HVCN1: variants seen among roughly 807,000 people sequenced by gnomAD.
HVCN1 encodes voltage-gated hydrogen channel 1.
A neutral mutation model predicts 29.2 loss-of-function variants in HVCN1; 14 were observed. That is an observed-to-expected ratio of 0.48 (90% CI 0.32 to 0.75). The LOEUF is 0.75. Ranked by LOEUF, HVCN1 falls within the 30% of genes least tolerant of loss-of-function variation. HVCN1 has a pLI of 0.04. For missense variants in HVCN1, 263 were observed against 341.8 expected (o/e 0.77, Z 1.82); for synonymous variants, 131 against 133.2 (o/e 0.98, Z 0.11).
intron 5 of HVCN1, among the ~76,000 whole-genome samples, chr12:110,653,781 G>A (rs1345981016): frequency 6.6e-6 from 1 of 151,628 alleles, no homozygotes; most frequent in Admixed American, 6.6e-5. Context: ...GGCGGACGTT[G>A]CAGTGAGATG....
chr12:110,655,283 A>C lies in HVCN1; in HGVS notation c.362T>G (p.Ile121Ser). The C allele has an allele frequency of 6.2e-7, 1 of 1,613,854 alleles. No homozygotes were observed. The highest frequency in any genetic ancestry group is 8.5e-7 in the Non-Finnish European group (1 of 1,179,966). Residue 121 changes from isoleucine to serine, a missense_variant, in exon 5 of 8, where the codon ATC (isoleucine) becomes AGC (serine). Transcript: ENST00000242607. ...LDALLVLAELILDLKIIQPDK... is the reference protein window; with the variant it reads ...LDALLVLAELSLDLKIIQPDK... ...GGGCTGGATGATCTTCAGGTCCAGGATGAGCTCAGCAAGCACCAGGAGGGC... is the reference window on the plus strand; with the variant it reads ...GGGCTGGATGATCTTCAGGTCCAGGCTGAGCTCAGCAAGCACCAGGAGGGC...
chr12:110,657,589 C>T (rs1303985084), intron 4 of HVCN1, among the ~76,000 whole-genome samples: 1 of 151,416 alleles, frequency 6.6e-6, no homozygotes, highest in Non-Finnish European at 1.5e-5. Context: ...ATAAATGCCA[C>T]AGAATCATTT....
chr12:110,672,459 G>A (rs923290828), intron 3 of HVCN1, among the ~76,000 whole-genome samples: 4 of 152,192 alleles, frequency 2.6e-5, no homozygotes, highest in South Asian at 2.1e-4. Context: ...TGGCAGGCCT[G>A]TAGACCTCAC....
At chr12:110,699,493 C>T (rs1292978066) in intron 2 of HVCN1, among the ~76,000 whole-genome samples, 1 of 152,068 alleles carries the variant, frequency 6.6e-6, no homozygotes, top group Admixed American at 6.6e-5. Context: ...CCTGTTTGCT[C>T]CAGTCAGCCT....
chr12:110,657,410 G>A (rs868090840), intron 4 of HVCN1, among the ~76,000 whole-genome samples: 29 of 151,564 alleles, frequency 1.9e-4, no homozygotes, highest in African/African-American at 6.1e-4. Flanking sequence ...TAGGAGAATC[G>A]CTTCAACCTG....
intron 3 of HVCN1, among the ~76,000 whole-genome samples, chr12:110,662,629 T>C (rs1158888628): frequency 6.6e-6 from 1 of 152,168 alleles, no homozygotes; most frequent in Non-Finnish European, 1.5e-5. Flanking sequence ...CGCTTGAAGC[T>C]GGGAGGCGTG....
intron 3 of HVCN1, among the ~76,000 whole-genome samples, chr12:110,672,337 C>G (rs1469560296): frequency 1.3e-5 from 2 of 152,172 alleles, no homozygotes; most frequent in Non-Finnish European, 2.9e-5. Flanking sequence ...CCCACGTGCA[C>G]ACAGGTGCTT....
upstream of HVCN1, among the ~76,000 whole-genome samples, chr12:110,694,418 G>A (rs1424889172): frequency 6.6e-6 from 1 of 152,190 alleles, no homozygotes; most frequent in Non-Finnish European, 1.5e-5. This position sits in a 1 kb window ranked among gnomAD's most constrained non-coding sequence, Gnocchi z 4.6. Flanking sequence ...GGCCATCCCT[G>A]GGCTCCAGGA....
rs141697525 is a variant in HVCN1 at position 110,660,576 on chromosome 12, T to C, written c.306+588A>G. Among the ~76,000 whole-genome samples, 252 of 152,338 alleles carry C rather than the reference T, an allele frequency of 1.7e-3. 2 individuals carry two copies. The highest frequency in any genetic ancestry group is 5.8e-3 in the African/African-American group (242 of 41,590). Reference sequence around the variant, plus strand: ...TTATTTTTTTTGTGTGTGGTAAAATTTGCATAACGTAAAATTTACCATTTT... The same window carrying C: ...TTATTTTTTTTGTGTGTGGTAAAATCTGCATAACGTAAAATTTACCATTTT... On this transcript the variant is annotated intron_variant, in intron 4 of 7. Coordinates refer to ENST00000242607, the MANE Select transcript of HVCN1 (RefSeq NM_032369.4).
chr12:110,677,832 C>A (rs1390404952), intron 3 of HVCN1, among the ~76,000 whole-genome samples: 4 of 152,046 alleles, frequency 2.6e-5, no homozygotes, highest in Non-Finnish European at 5.9e-5. Flanking sequence ...GGCTGAGGGG[C>A]TTAACTGGCA....
upstream of HVCN1, among the ~76,000 whole-genome samples, chr12:110,694,439 C>T (rs781131609): frequency 4.6e-5 from 7 of 152,166 alleles, no homozygotes; most frequent in African/African-American, 7.2e-5. This position sits in a 1 kb window ranked among gnomAD's most constrained non-coding sequence, Gnocchi z 4.6. Context: ...CAGCTGGGGC[C>T]GGGCCAGGGC....
chr12:110,679,869 A>G (rs1426610948), intron 3 of HVCN1, among the ~76,000 whole-genome samples: 1 of 151,934 alleles, frequency 6.6e-6, no homozygotes, highest in Non-Finnish European at 1.5e-5. Context: ...CAAAAAAAAA[A>G]AAAAAAGAGG....
intron 3 of HVCN1, among the ~76,000 whole-genome samples, chr12:110,679,575 C>T (rs1364456881): frequency 6.6e-5 from 10 of 152,144 alleles, no homozygotes; most frequent in African/African-American, 1.9e-4. Flanking sequence ...AAAACTGGGC[C>T]GGGCGCGGTG....
At chr12:110,657,709 A>C (rs1008948218) in intron 4 of HVCN1, among the ~76,000 whole-genome samples, 3 of 152,212 alleles carry the variant, frequency 2.0e-5, no homozygotes, top group Non-Finnish European at 4.4e-5. Context: ...ATGCCAGGAT[A>C]ATAACCCCAG....
At chr12:110,670,205 T>C (rs2068526712) in intron 3 of HVCN1, among the ~76,000 whole-genome samples, 1 of 152,128 alleles carries the variant, frequency 6.6e-6, no homozygotes, top group African/African-American at 2.4e-5. Flanking sequence ...AAAAGCATTT[T>C]GTGGATGCCT....
Position 110,661,749 on chromosome 12 carries a change from G to A in HVCN1, c.22-301C>T, listed in dbSNP as rs975341879. ...CCCAAAACACCCGCCACGGGCCCAT[G>A]TGTGAATACCGGAAGGGCGGCCCCA... is the stretch of plus-strand genomic sequence containing the variant. On this transcript the variant is annotated intron_variant, in intron 3 of 7. Coordinates refer to ENST00000242607, the MANE Select transcript of HVCN1 (RefSeq NM_032369.4). The surrounding 1 kb of genome is among the most constrained non-coding windows in gnomAD (Gnocchi z 6.2). Among the ~76,000 whole-genome samples the A allele has an allele frequency of 3.3e-5, 5 of 152,226 alleles. No homozygotes were observed. The highest frequency in any genetic ancestry group is 9.7e-5 in the African/African-American group (4 of 41,442).
At chr12:110,703,510 G>A (rs948843333) in intron 1 of HVCN1, among the ~76,000 whole-genome samples, 4 of 152,110 alleles carry the variant, frequency 2.6e-5, no homozygotes, top group African/African-American at 9.7e-5. Context: ...CATATTGGGC[G>A]AGTGCCGTGG....
At chr12:110,653,721 A>G (rs1290016437) in intron 5 of HVCN1, among the ~76,000 whole-genome samples, 1 of 152,002 alleles carries the variant, frequency 6.6e-6, no homozygotes, top group East Asian at 1.9e-4. Context: ...GGGCACCTGT[A>G]ATCCCAGTTA....
chr12:110,669,101 T>C (rs2068478080), intron 3 of HVCN1, among the ~76,000 whole-genome samples: 1 of 152,098 alleles, frequency 6.6e-6, no homozygotes, highest in South Asian at 2.1e-4. Flanking sequence ...ATTGGTTTGC[T>C]GTGACCCAAC....
Sources: gnomAD v4.1 joint callset for allele counts (sites outside exome capture counted in the v4.1 genomes callset) on GRCh38, gnomAD v4.1.1 for gene constraint, Gnocchi (gnomAD v3.1) non-coding constraint, MANE v1.5 for transcripts, NCBI Gene and HGNC (gene_info 2026-07-23, HGNC 2026-07-21) for gene names.